PCDH11X: variants seen among roughly 807,000 people sequenced by gnomAD.
PCDH11X encodes protocadherin-11 X-linked.
Under a neutral mutation model 53.3 loss-of-function variants are expected in PCDH11X, and 18 were observed. That is an observed-to-expected ratio of 0.34 (90% CI 0.23 to 0.50). The LOEUF (loss-of-function observed/expected upper bound fraction) is 0.50, where lower values mean the gene tolerates loss of function less well. Among genes scored for constraint, PCDH11X ranks in the 20% least tolerant of loss-of-function variants. The pLI, the probability that PCDH11X is intolerant of heterozygous loss-of-function variation, is 0.98. For synonymous variants in PCDH11X, 279 were observed against 393.3 expected (o/e 0.71, Z 3.44); for missense variants, 570 against 1,032.4 (o/e 0.55, Z 6.14).
chrX:92,538,027 T>TTATA (rs774841409), intron 10 of PCDH11X, among the ~76,000 whole-genome samples: 3 of 94,733 alleles, frequency 3.2e-5, no homozygotes, highest in Admixed American at 2.4e-4. Context: ...AATATTTGCT[T>TTATA]TATATATATA....
At chrX:92,179,929 A>T (rs762581632) in intron 6 of PCDH11X, among the ~76,000 whole-genome samples, 1 of 111,549 alleles carries the variant, frequency 9.0e-6, no homozygotes, top group South Asian at 3.8e-4. Flanking sequence ...GGATCACTTG[A>T]TCATTCCTAC....
intron 8 of PCDH11X, among the ~76,000 whole-genome samples, chrX:92,280,027 G>A (rs999064366): frequency 7.2e-5 from 8 of 111,827 alleles, no homozygotes; most frequent in African/African-American, 2.6e-4. Context: ...CTACCATTGT[G>A]TTACAATTAT....
intron 8 of PCDH11X, among the ~76,000 whole-genome samples, chrX:92,376,363 C>A (rs1323817616): frequency 9.0e-6 from 1 of 111,731 alleles, no homozygotes; most frequent in African/African-American, 3.3e-5. Flanking sequence ...ATTACTGCAA[C>A]AAAATTTAAA....
chrX:92,605,904 C>T (rs1171657175), intron 10 of PCDH11X, among the ~76,000 whole-genome samples: 5 of 110,064 alleles, frequency 4.5e-5, no homozygotes, highest in Non-Finnish European at 9.5e-5. Flanking sequence ...TCTTCAGATT[C>T]GACACAATTC....
chrX:92,615,150 C>T (rs1442082690), intron 10 of PCDH11X, among the ~76,000 whole-genome samples: 1 of 111,505 alleles, frequency 9.0e-6, no homozygotes, highest in African/African-American at 3.3e-5. Context: ...CACTGCACCA[C>T]CATCTATGCA....
In PCDH11X at chrX:92,287,329, C is replaced by T. The variant is rs370097253; in HGVS notation, c.3144+24186C>T. Reference sequence around the variant, plus strand: ...ATTAGGTATTTGTCCTAATGCTCTCCCTCCCCTTGTCCACCACCCCCTGAC... The same window carrying T: ...ATTAGGTATTTGTCCTAATGCTCTCTCTCCCCTTGTCCACCACCCCCTGAC... On this transcript the variant is annotated intron_variant, in intron 8 of 10. Transcript: ENST00000682573. Among the ~76,000 whole-genome samples the T allele has an allele frequency of 2.3e-4, 26 of 111,091 alleles. No individual in the cohort carries two copies. In the East Asian group the frequency reaches 5.1e-3, roughly 22 times the overall value.
rs940902701 is a variant in PCDH11X, at chrX:92,077,408, T to C, written c.3034-123967T>C. Among the ~76,000 whole-genome samples, 9 of 108,295 alleles carry C rather than the reference T, an allele frequency of 8.3e-5. 1 individual carries two copies. Among genetic ancestry groups the C allele is most frequent in the African/African-American group, 3.0e-4 (9 of 29,841 alleles). The allele number at this position is 108,295 out of a possible 115,157, so 94.0% of individuals were successfully genotyped here. A position where few individuals can be genotyped will look rare whatever the true frequency, so the allele number is the denominator to read the frequency against. On this transcript the variant is annotated intron_variant, in intron 6 of 10. Transcript: ENST00000682573. ...TGACCATGTAGTATATGCAAAATTGTTTCCACTTCATGAACTTCAGTTTGC... is the reference window on the plus strand; with the variant it reads ...TGACCATGTAGTATATGCAAAATTGCTTCCACTTCATGAACTTCAGTTTGC...
Position 92,303,394 on chromosome X carries a change from C to T in PCDH11X, c.3144+40251C>T, listed in dbSNP as rs979568396. 1.3e-4 allele frequency among the ~76,000 whole-genome samples: 14 copies of T among 110,716 alleles called. 1 individual carries two copies. The highest frequency in any genetic ancestry group is 6.6e-5 in the African/African-American group (2 of 30,462). ...AGAGTTTCAAGAAGGAAAGTATGGT[C>T]AGCCTTTCTATACCAAATTCGAAAA... On this transcript the variant is annotated intron_variant, in intron 8 of 10. Coordinates refer to ENST00000682573, the MANE Select transcript of PCDH11X (RefSeq NM_032968.5).
intron 10 of PCDH11X, among the ~76,000 whole-genome samples, chrX:92,558,980 G>A (rs765869361): frequency 1.7e-4 from 19 of 110,146 alleles, no homozygotes; most frequent in African/African-American, 5.3e-4. Context: ...TAAAATTTAA[G>A]CTATGGGAAC....
intron 8 of PCDH11X, among the ~76,000 whole-genome samples, chrX:92,320,405 T>A (rs768818655): frequency 1.8e-5 from 2 of 110,571 alleles, no homozygotes; most frequent in Admixed American, 1.9e-4. Context: ...TCTCTCTCTC[T>A]CTCTTTCTTT....
At position 91,822,372 on chromosome X, in the gene PCDH11X, G is replaced by A. The variant is rs1269865538; in HGVS notation, c.-45+11077G>A. ...TCAGATCCTGTTATTGGTCTATTCA[G>A]AGATTCAACTTCTTCCTGGTTTAGT... On this transcript the variant is annotated intron_variant, in intron 4 of 10. Transcript: ENST00000682573. Among the ~76,000 whole-genome samples the A allele has an allele frequency of 2.8e-5, 3 of 107,460 alleles. No homozygotes were observed. The East Asian group carries it at 8.8e-4, about 32-fold the overall frequency. 93.3% of individuals were successfully genotyped at this position (107,460 alleles called of 115,157 possible).
chrX:92,561,934 A>G (rs2075136658), intron 10 of PCDH11X, among the ~76,000 whole-genome samples: 2 of 108,300 alleles, frequency 1.8e-5, no homozygotes, highest in South Asian at 8.3e-4. Context: ...CTAACATAAA[A>G]TAGAGCTCTG....
intron 6 of PCDH11X, among the ~76,000 whole-genome samples, chrX:92,056,300 T>A (rs1412962744): frequency 1.8e-5 from 2 of 112,126 alleles, no homozygotes; most frequent in Non-Finnish European, 3.8e-5. Context: ...TTGATCATTT[T>A]TTTCATGATG....
At chrX:92,220,864 C>T (rs2066854395) in intron 7 of PCDH11X, among the ~76,000 whole-genome samples, 1 of 106,278 alleles carries the variant, frequency 9.4e-6, no homozygotes, top group East Asian at 3.0e-4. Flanking sequence ...GAATACTATG[C>T]AGCCATAAAA....
At position 92,394,684 on chromosome X, in the gene PCDH11X, G is replaced by A. The variant is rs1399471936; in HGVS notation, c.3343+6751G>A. ...TATTTGCCATTTGTTATTTTTTGAA[G>A]TTCTTTGAAAGTCAGTATAATCAGT... On this transcript the variant is annotated intron_variant, in intron 9 of 10. Transcript: ENST00000682573. Among the ~76,000 whole-genome samples, 3 of 111,632 alleles carry A rather than the reference G, an allele frequency of 2.7e-5. No homozygotes were observed. The Admixed American group carries it at 2.9e-4, about 11-fold the overall frequency.
intron 8 of PCDH11X, among the ~76,000 whole-genome samples, chrX:92,270,112 CTTTTTT>C (rs760007148): frequency 3.1e-5 from 3 of 95,607 alleles, no homozygotes; most frequent in Non-Finnish European, 4.2e-5. Flanking sequence ...GCTTCCTTTT[CTTTTTT>C]TTTTTTTTTC....
intron 9 of PCDH11X, chrX:92,461,016 A>AC (rs2073031400): frequency 1.7e-6 from 1 of 593,937 alleles, no homozygotes; most frequent in Non-Finnish European, 2.6e-6. Flanking sequence ...AGTTAAAAAA[A>AC]AAAAAGATTT....
chrX:92,143,044 A>T (rs962482588), intron 6 of PCDH11X, among the ~76,000 whole-genome samples: 1 of 111,505 alleles, frequency 9.0e-6, no homozygotes, highest in African/African-American at 3.3e-5. Flanking sequence ...TGGGAGGCTA[A>T]GGTGGGAGGA....
At chrX:92,374,852 A>G (rs1180674905) in intron 8 of PCDH11X, among the ~76,000 whole-genome samples, 2 of 109,900 alleles carry the variant, frequency 1.8e-5, no homozygotes, top group African/African-American at 6.6e-5. Flanking sequence ...GTTTATCCAT[A>G]TTTAAATTGT....
Sources: allele counts gnomAD v4.1 joint callset (sites outside exome capture counted in the v4.1 genomes callset), GRCh38; gene constraint gnomAD v4.1.1; transcripts MANE v1.5; gene names NCBI Gene and HGNC (gene_info 2026-07-23, HGNC 2026-07-21).